GRIK4: variants seen among roughly 807,000 people sequenced by gnomAD.
GRIK4 encodes glutamate receptor ionotropic, kainate 4.
Under a neutral mutation model 104.9 loss-of-function variants are expected in GRIK4, and 40 were observed. That is an observed-to-expected ratio of 0.38 (90% CI 0.30 to 0.50). GRIK4 has a LOEUF of 0.50. Ranked by LOEUF, GRIK4 falls within the 20% of genes least tolerant of loss-of-function variation. The pLI, the probability that GRIK4 is intolerant of heterozygous loss-of-function variation, is 0.93. For synonymous variants in GRIK4, 485 were observed against 524.9 expected (o/e 0.92, Z 1.04); for missense variants, 1,047 against 1,308.1 (o/e 0.80, Z 3.08).
rs921158236 is a variant in GRIK4, at chr11:120,584,171, A to G, written c.-158-69514A>G. On this transcript the variant is annotated intron_variant, in intron 1 of 20. Transcript: ENST00000527524. ...TGCTCTGGCTAAGACTTCTAGAACT[A>G]TGTTAATAGGAGTGGTGAGAGTAGC... Among the ~76,000 whole-genome samples, 3 of 152,300 alleles carry G rather than the reference A, an allele frequency of 2.0e-5. No homozygotes were observed. The East Asian group carries it at 5.8e-4, about 29-fold the overall frequency.
chr11:120,597,213 T>TG (rs1948814580), intron 1 of GRIK4, among the ~76,000 whole-genome samples: 1 of 152,322 alleles, frequency 6.6e-6, no homozygotes, highest in South Asian at 2.1e-4. Flanking sequence ...CCACTCACCT[T>TG]GCGGGGCCGC....
intron 1 of GRIK4, among the ~76,000 whole-genome samples, chr11:120,633,615 A>G (rs914989769): frequency 2.0e-4 from 31 of 152,232 alleles, no homozygotes; most frequent in African/African-American, 7.5e-4. Context: ...TGAAGCATCA[A>G]AAGTGTACTG....
intron 6 of GRIK4, among the ~76,000 whole-genome samples, chr11:120,822,678 T>C (rs1481375230): frequency 6.6e-6 from 1 of 152,244 alleles, no homozygotes; most frequent in Non-Finnish European, 1.5e-5. Flanking sequence ...ATTCCCATCA[T>C]GGAGGAAAGT....
rs150206220 is a variant in GRIK4, at chr11:120,513,529, A to G, written c.-159+1642A>G. On this transcript the variant is annotated intron_variant, in intron 1 of 20. Transcript: ENST00000527524. The surrounding 1 kb of genome is among the most constrained non-coding windows in gnomAD (Gnocchi z 4.5). Reference sequence around the variant, plus strand: ...CTGAAGCTGCAGCTCAGGCTTCATCATTAATCAGGTTTATTATTTTTCTCA... The same window carrying G: ...CTGAAGCTGCAGCTCAGGCTTCATCGTTAATCAGGTTTATTATTTTTCTCA... 1.3e-5 allele frequency among the ~76,000 whole-genome samples: 2 copies of G among 152,328 alleles called. No individual in the cohort carries two copies. Among genetic ancestry groups the G allele is most frequent in the East Asian group, 3.9e-4 (2 of 5,176 alleles).
At chr11:120,721,128 G>A (rs1007073038) in intron 3 of GRIK4, among the ~76,000 whole-genome samples, 1 of 152,154 alleles carries the variant, frequency 6.6e-6, no homozygotes, top group African/African-American at 2.4e-5. Flanking sequence ...TACAAAAATG[G>A]GCAATTACAA....
At chr11:120,822,625 A>C (rs1953156393) in intron 6 of GRIK4, among the ~76,000 whole-genome samples, 2 of 152,258 alleles carry the variant, frequency 1.3e-5, no homozygotes, top group Non-Finnish European at 2.9e-5. Context: ...GTCAGTAGCC[A>C]CGTGGCTGGT....
rs1948581651 is a variant in GRIK4, at chr11:120,581,599, TTCTG to T, written c.-159+69720_-159+69723del. Among the ~76,000 whole-genome samples, 4 of 152,296 alleles carry T rather than the reference TTCTG, an allele frequency of 2.6e-5. No individual in the cohort carries two copies. In the South Asian group the frequency reaches 8.3e-4, roughly 32 times the overall value. On this transcript the variant is annotated intron_variant, in intron 1 of 20. Transcript: ENST00000527524. The stretch of plus-strand genomic sequence containing the variant: ...TCCCCTCGGTTCCTAGAGAACACCA[TTCTG>T]TCTGTCTCTGTGAATTTGACTACTC...
chr11:120,945,215 C>T (rs1003845633), intron 14 of GRIK4, among the ~76,000 whole-genome samples: 1 of 152,192 alleles, frequency 6.6e-6, no homozygotes, highest in Admixed American at 6.5e-5. Context: ...AGCCAGCTAA[C>T]GAACTCTTTC....
At chr11:120,535,023 G>A (rs979081215) in intron 1 of GRIK4, among the ~76,000 whole-genome samples, 6 of 152,218 alleles carry the variant, frequency 3.9e-5, no homozygotes, top group Admixed American at 1.3e-4. Flanking sequence ...TAAGCTGGCC[G>A]GTATTCAACA....
chr11:120,793,721 G>A (rs968906889), intron 3 of GRIK4, among the ~76,000 whole-genome samples: 1 of 151,838 alleles, frequency 6.6e-6, no homozygotes, highest in Non-Finnish European at 1.5e-5. Flanking sequence ...GGTGAAGGGT[G>A]GTGTTAGGGG....
intron 6 of GRIK4, among the ~76,000 whole-genome samples, chr11:120,825,091 A>G (rs939217447): frequency 6.6e-6 from 1 of 151,128 alleles, no homozygotes; most frequent in South Asian, 2.1e-4. Flanking sequence ...TGCTCAGCTA[A>G]CTTTTTGTAT....
At chr11:120,838,043 C>T (rs1953621193) in intron 8 of GRIK4, among the ~76,000 whole-genome samples, 1 of 152,152 alleles carries the variant, frequency 6.6e-6, no homozygotes, top group South Asian at 2.1e-4. Context: ...ATATGAGTTC[C>T]CAGGACAGTC....
chr11:120,886,752 T>C (rs1463040018), intron 11 of GRIK4, among the ~76,000 whole-genome samples: 1 of 152,254 alleles, frequency 6.6e-6, no homozygotes, highest in Non-Finnish European at 1.5e-5. Context: ...GAAGTTTTCC[T>C]ACAGTGGCCC....
intron 17 of GRIK4, among the ~76,000 whole-genome samples, chr11:120,961,991 T>C (rs1162434190): frequency 1.3e-5 from 2 of 152,188 alleles, no homozygotes; most frequent in Non-Finnish European, 2.9e-5. Flanking sequence ...ATTGATCAAT[T>C]GGTTTAGGGT....
intron 14 of GRIK4, among the ~76,000 whole-genome samples, chr11:120,945,106 G>T (rs1056018811): frequency 6.6e-6 from 1 of 151,940 alleles, no homozygotes; most frequent in African/African-American, 2.4e-5. Flanking sequence ...CCAGGTCTTT[G>T]CCTGCAAGCA....
At chr11:120,850,949 T>C (rs922826850) in intron 8 of GRIK4, among the ~76,000 whole-genome samples, 5 of 151,978 alleles carry the variant, frequency 3.3e-5, no homozygotes, top group Admixed American at 3.3e-4. Context: ...GTCAAAGGCG[T>C]CAACAGCTCC....
At chr11:120,713,135 T>C (rs900362539) in intron 3 of GRIK4, among the ~76,000 whole-genome samples, 1 of 152,164 alleles carries the variant, frequency 6.6e-6, no homozygotes, top group African/African-American at 2.4e-5. Context: ...TAAAAACAAA[T>C]GAAAAAACAA....
chr11:120,728,143 GAA>G (rs916475997), intron 3 of GRIK4, among the ~76,000 whole-genome samples: 1 of 151,204 alleles, frequency 6.6e-6, no homozygotes, highest in African/African-American at 2.4e-5. Flanking sequence ...GGGTTTTAAA[GAA>G]AAAGAAAAAA....
intron 1 of GRIK4, among the ~76,000 whole-genome samples, chr11:120,612,073 C>A (rs1329579541): frequency 1.3e-5 from 2 of 152,190 alleles, no homozygotes; most frequent in Non-Finnish European, 2.9e-5. Flanking sequence ...CTTTTCTGTA[C>A]CGCTCCTGTA....
Sources: gnomAD v4.1 joint callset for allele counts (sites outside exome capture counted in the v4.1 genomes callset) on GRCh38, gnomAD v4.1.1 for gene constraint, Gnocchi (gnomAD v3.1) non-coding constraint, MANE v1.5 for transcripts, NCBI Gene and HGNC (gene_info 2026-07-23, HGNC 2026-07-21) for gene names.